SERGEF: variants seen among roughly 807,000 people sequenced by gnomAD.
The protein encoded by SERGEF is secretion regulating guanine nucleotide exchange factor, also known as secretion-regulating guanine nucleotide exchange factor.
A neutral mutation model predicts 50.0 loss-of-function variants in SERGEF; 51 were observed. The ratio of observed to expected loss-of-function variants is 1.02; its 90% CI spans 0.81 to 1.29. The LOEUF is 1.29. Among genes scored for constraint, SERGEF ranks in the 50% most tolerant of loss-of-function variants. The probability of loss-of-function intolerance (pLI) is 0.00; values close to 1 mark genes in which losing one functional copy is unlikely to be tolerated. For synonymous variants in SERGEF, 205 were observed against 212.4 expected (o/e 0.97, Z 0.30); for missense variants, 521 against 557.0 (o/e 0.94, Z 0.65).
Position 18,007,844 on chromosome 11 carries a change from C to G in SERGEF, c.196+97G>C, listed in dbSNP as rs1000021237. 1.0e-5 allele frequency: 13 copies of G among 1,249,712 alleles called. No individual in the cohort carries two copies. The East Asian group carries it at 2.9e-4, about 28-fold the overall frequency. 77.4% of individuals were successfully genotyped at this position (1,249,712 alleles called of 1,614,324 possible). On this transcript the variant is annotated intron_variant, in intron 2 of 10. Transcript: ENST00000265965. ...TTTCACAAAAATACATTATTTTCCT[C>G]TGCAAAATACAAAAGGCTGAAAGAT... is the stretch of plus-strand genomic sequence containing the variant.
chr11:17,846,780 A>C (rs1454034969), intron 10 of SERGEF: 3 of 456,116 alleles, frequency 6.6e-6, no homozygotes, highest in Admixed American at 2.4e-5. Flanking sequence ...ATTAAATGAG[A>C]GAATGCATAT....
chr11:17,853,347 C>T (rs1850747916), intron 10 of SERGEF, among the ~76,000 whole-genome samples: 1 of 152,154 alleles, frequency 6.6e-6, no homozygotes, highest in South Asian at 2.1e-4. Context: ...CATTTCTTCT[C>T]CTTCCCCTTG....
chr11:17,796,337 T>C (rs758178974), intron 10 of SERGEF, among the ~76,000 whole-genome samples: 21 of 152,120 alleles, frequency 1.4e-4, no homozygotes, highest in Non-Finnish European at 2.5e-4. Context: ...GGCCCTGCTA[T>C]GGTTTGAATG....
intron 8 of SERGEF, among the ~76,000 whole-genome samples, chr11:17,965,307 G>A (rs1198412868): frequency 6.6e-6 from 1 of 152,128 alleles, no homozygotes; most frequent in Non-Finnish European, 1.5e-5. Flanking sequence ...TAAGTTTCCT[G>A]AGGCCTCCCC....
intron 8 of SERGEF, among the ~76,000 whole-genome samples, chr11:17,980,018 C>G (rs1853462110): frequency 6.6e-6 from 1 of 152,160 alleles, no homozygotes; most frequent in African/African-American, 2.4e-5. Context: ...TACTCCAATT[C>G]ACCCTGAACT....
At chr11:17,849,640 A>C (rs200003501) in intron 10 of SERGEF, among the ~76,000 whole-genome samples, 1 of 152,274 alleles carries the variant, frequency 6.6e-6, no homozygotes, top group East Asian at 1.9e-4. Flanking sequence ...AATAGCTTCC[A>C]TGTGCTGAGG....
intron 10 of SERGEF, among the ~76,000 whole-genome samples, chr11:17,794,858 T>C (rs1410536035): frequency 1.3e-5 from 2 of 152,130 alleles, no homozygotes. Flanking sequence ...AGTCCACCTA[T>C]GGGAACGCAG....
intron 10 of SERGEF, among the ~76,000 whole-genome samples, chr11:17,807,919 C>T (rs1849792606): frequency 6.6e-6 from 1 of 152,210 alleles, no homozygotes; most frequent in South Asian, 2.1e-4. Flanking sequence ...AAGGTGTTTC[C>T]AAATTGAGAA....
chr11:17,870,270 GT>G (rs559557943), intron 10 of SERGEF, among the ~76,000 whole-genome samples: 3 of 152,182 alleles, frequency 2.0e-5, no homozygotes, highest in Non-Finnish European at 4.4e-5. Flanking sequence ...ATTTACAGCA[GT>G]ATGAAAATGT....
At chr11:17,945,177 T>C (rs1438630404) in intron 9 of SERGEF, among the ~76,000 whole-genome samples, 2 of 152,248 alleles carry the variant, frequency 1.3e-5, no homozygotes, top group African/African-American at 2.4e-5. Context: ...AAAACATACA[T>C]AGCACAAACC....
At chr11:17,810,331 C>G (rs1409605881) in intron 10 of SERGEF, among the ~76,000 whole-genome samples, 1 of 152,234 alleles carries the variant, frequency 6.6e-6, no homozygotes, top group African/African-American at 2.4e-5. Flanking sequence ...ATCCTCACAC[C>G]TCCCCATCCC....
intron 10 of SERGEF, among the ~76,000 whole-genome samples, chr11:17,837,619 T>G (rs562023099): frequency 6.6e-6 from 1 of 151,010 alleles, no homozygotes; most frequent in South Asian, 2.1e-4. Context: ...GCCATGCTTC[T>G]TATACAGCCT....
At chr11:17,875,447 A>G (rs759934115) in intron 10 of SERGEF, among the ~76,000 whole-genome samples, 1 of 152,210 alleles carries the variant, frequency 6.6e-6, no homozygotes, top group Non-Finnish European at 1.5e-5. Flanking sequence ...GATCGGGGAG[A>G]TGGATTTGAG....
At chr11:17,983,657 G>A (rs911439934) in intron 8 of SERGEF, among the ~76,000 whole-genome samples, 2 of 151,896 alleles carry the variant, frequency 1.3e-5, no homozygotes, top group Non-Finnish European at 2.9e-5. Context: ...TGCCTTCATG[G>A]GGCTTACAGT....
intron 9 of SERGEF, among the ~76,000 whole-genome samples, chr11:17,956,540 C>T (rs549763855): frequency 8.6e-4 from 131 of 152,322 alleles, no homozygotes; most frequent in Admixed American, 2.5e-3. Flanking sequence ...ATAATAAGCA[C>T]TAAATAACTT....
chr11:17,795,772 T>C (rs1849562319), intron 10 of SERGEF, among the ~76,000 whole-genome samples: 1 of 152,210 alleles, frequency 6.6e-6, no homozygotes, highest in African/African-American at 2.4e-5. Flanking sequence ...GGAAAATTCA[T>C]TTTGTGCCCT....
chr11:17,800,021 G>C (rs1183915282), intron 10 of SERGEF, among the ~76,000 whole-genome samples: 9 of 152,080 alleles, frequency 5.9e-5, no homozygotes, highest in African/African-American at 1.4e-4. Context: ...GAAGGGAAGA[G>C]AGTCTTTCTC....
chr11:17,801,778 G>T (rs1849674001), intron 10 of SERGEF, among the ~76,000 whole-genome samples: 1 of 152,108 alleles, frequency 6.6e-6, no homozygotes, highest in Non-Finnish European at 1.5e-5. Flanking sequence ...CAAATTGTAG[G>T]AGCTACCAGG....
chr11:17,913,876 C>G (rs1303716724), intron 9 of SERGEF, among the ~76,000 whole-genome samples: 2 of 152,180 alleles, frequency 1.3e-5, no homozygotes, highest in East Asian at 1.9e-4. Flanking sequence ...ACTTTGACAA[C>G]TGTTTCCTTA....
Sources: gnomAD v4.1 joint callset for allele counts (sites outside exome capture counted in the v4.1 genomes callset) on GRCh38, gnomAD v4.1.1 for gene constraint, MANE v1.5 for transcripts, NCBI Gene and HGNC (gene_info 2026-07-23, HGNC 2026-07-21) for gene names.